Variants in MRE11 observed in about 807,000 individuals in gnomAD.
The protein encoded by MRE11 is MRE11 double strand break repair nuclease.
MRE11 carries 62 observed loss-of-function variants against 91.7 expected under a neutral mutation model. The ratio of observed to expected loss-of-function variants is 0.68; its 90% CI spans 0.55 to 0.84. The LOEUF is 0.84. MRE11 is among the 40% of genes least tolerant of loss of function. The probability of loss-of-function intolerance (pLI) is 0.00; values close to 1 mark genes in which losing one functional copy is unlikely to be tolerated. For missense variants in MRE11, 796 were observed against 852.9 expected (o/e 0.93, Z 0.83); for synonymous variants, 273 against 271.4 (o/e 1.01, Z -0.06).
intron 18 of MRE11, among the ~76,000 whole-genome samples, chr11:94,433,275 G>A (rs941048567): frequency 6.6e-6 from 1 of 152,164 alleles, no homozygotes; most frequent in Non-Finnish European, 1.5e-5. Flanking sequence ...CTTTGTAAAT[G>A]TAAATCACAA....
intron 3 of MRE11, among the ~76,000 whole-genome samples, chr11:94,487,109 C>T (rs1051404268): frequency 2.6e-5 from 4 of 152,186 alleles, no homozygotes; most frequent in Admixed American, 2.6e-4. Flanking sequence ...AAATGAAAAA[C>T]ATACTGGGGC....
Position 94,479,693 on chromosome 11 carries a change from T to C in MRE11, c.383A>G (p.Asn128Ser), listed in dbSNP as rs1591708537. Residue 128 changes from asparagine to serine, a missense_variant, in exon 5 of 20, where the codon AAT (asparagine) becomes AGT (serine). Physicochemically the swap from Asn to Ser is conservative, Grantham distance 46. Transcript: ENST00000323929. ...AATTACCCCTGTGGGATCGTCATGA[T>C]TGCCATGAATACTAAACACTGGAAT... ...ISIPVFSIHG[N>S]HDDPTGADAL... 1 of 1,612,972 alleles carries C rather than the reference T, an allele frequency of 6.2e-7. No individual in the cohort carries two copies. The highest frequency in any genetic ancestry group is 8.5e-7 in the Non-Finnish European group (1 of 1,179,534).
At position 94,467,010 on chromosome 11, in the gene MRE11, A is replaced by G. The variant is rs11020792; in HGVS notation, c.1098+803T>C. 6.4e-4 allele frequency among the ~76,000 whole-genome samples: 98 copies of G among 152,356 alleles called. 2 individuals carry two copies. The East Asian group carries it at 0.017, about 27-fold the overall frequency. ...ACAAATAACTCAGAGAATGCCCAAG[A>G]GTAATTCAGCAAGATGAGACACGAT... On this transcript the variant is annotated intron_variant, in intron 10 of 19. Transcript: ENST00000323929.
intron 10 of MRE11, among the ~76,000 whole-genome samples, chr11:94,465,865 T>C (rs548051965): frequency 1.3e-5 from 2 of 152,262 alleles, no homozygotes; most frequent in African/African-American, 4.8e-5. Context: ...GATACAACCA[T>C]AAATAAATAC....
intron 19 of MRE11, among the ~76,000 whole-genome samples, chr11:94,426,257 T>TA (rs923152629): frequency 8.6e-5 from 13 of 152,028 alleles, no homozygotes; most frequent in African/African-American, 2.9e-4. Flanking sequence ...AAGGCAGAAA[T>TA]AAAAAAATTC....
rs142867994 is a variant in MRE11 at position 94,432,996 on chromosome 11, C to T, written c.1994+2836G>A. On this transcript the variant is annotated intron_variant, in intron 18 of 19. Transcript: ENST00000323929. ...ACAACACATCTGTCCTTTCTTTTGTCCCCTTCTCAATATATGGCACAATGT... is the reference window on the plus strand; with the variant it reads ...ACAACACATCTGTCCTTTCTTTTGTTCCCTTCTCAATATATGGCACAATGT... Among the ~76,000 whole-genome samples the T allele has an allele frequency of 5.8e-4, 89 of 152,226 alleles. 1 individual carries two copies. The highest frequency in any genetic ancestry group is 2.1e-3 in the African/African-American group (87 of 41,524).
chr11:94,471,426 G>GA lies in MRE11; in HGVS notation c.845+147dup, dbSNP rs1367117429. On this transcript the variant is annotated intron_variant, in intron 8 of 19. Transcript: ENST00000323929. ...TCTGGAAAAACAATAAGACTACACA[G>GA]AATGATCAATTTTCAAAAATAAAGC... 3.2e-5 allele frequency: 24 copies of GA among 744,736 alleles called. No homozygotes were observed. The African/African-American group carries it at 4.1e-4, about 13-fold the overall frequency. The allele number at this position is 744,736 out of a possible 1,614,324, so 46.1% of individuals were successfully genotyped here. A position where few individuals can be genotyped will look rare whatever the true frequency, so the allele number is the denominator to read the frequency against.
At chr11:94,466,937 G>A (rs547522070) in intron 10 of MRE11, among the ~76,000 whole-genome samples, 1 of 152,190 alleles carries the variant, frequency 6.6e-6, no homozygotes. Context: ...GGTCATTAAA[G>A]CTGTATGCCT....
the MRE11 span, among the ~76,000 whole-genome samples, chr11:94,506,261 G>C: frequency 4.7e-5 from 7 of 150,272 alleles, no homozygotes; most frequent in Non-Finnish European, 8.9e-5. Context: ...AATTTGTACA[G>C]CAAACTCCTG....
At chr11:94,453,789 T>C (rs592068) in intron 14 of MRE11, among the ~76,000 whole-genome samples, 44,046 of 152,080 alleles carry the variant, frequency 0.29, 6,530 homozygotes, top group Middle Eastern at 0.36. Flanking sequence ...CTATTGATAG[T>C]GCCTGGTATT....
At chr11:94,451,387 G>A (rs11020786) in intron 14 of MRE11, among the ~76,000 whole-genome samples, 159 of 152,178 alleles carry the variant, frequency 1.0e-3, no homozygotes, top group African/African-American at 3.6e-3. Context: ...AGAAAGTTTC[G>A]TAGGTAAATT....
chr11:94,439,396 G>A (rs747179467), intron 16 of MRE11, among the ~76,000 whole-genome samples: 19 of 152,198 alleles, frequency 1.2e-4, no homozygotes, highest in Non-Finnish European at 1.6e-4. Flanking sequence ...TTAAGTTAGC[G>A]AAACCATTAT....
chr11:94,447,515 CAT>C, intron 14 of MRE11, 77 bp from the exon 15 acceptor site: 1 of 1,368,538 alleles, frequency 7.3e-7, no homozygotes, highest in Non-Finnish European at 1.0e-6. Flanking sequence ...TAGGCATTGA[CAT>C]GAACTAATCA....
chr11:94,432,573 C>T (rs919483749), intron 18 of MRE11, among the ~76,000 whole-genome samples: 6 of 152,162 alleles, frequency 3.9e-5, no homozygotes, highest in East Asian at 3.9e-4. Flanking sequence ...CTTGGGAGGC[C>T]GAGGCGGGCG....
intron 9 of MRE11, among the ~76,000 whole-genome samples, chr11:94,470,146 T>C (rs1946667680): frequency 6.6e-6 from 1 of 152,088 alleles, no homozygotes; most frequent in Non-Finnish European, 1.5e-5. Flanking sequence ...TCAAAGTTAC[T>C]GCCTGCTTTC....
rs560913783 is a variant in MRE11, at chr11:94,450,483, G to A, written c.1564-3045C>T. ...CAAGACCCCATGAAACTTTTTAGCT[G>A]ATACATAACAGGGTGCAAACAAAAA... On this transcript the variant is annotated intron_variant, in intron 14 of 19. Coordinates refer to ENST00000323929, the MANE Select transcript of MRE11 (RefSeq NM_005591.4). Among the ~76,000 whole-genome samples, 9 of 152,206 alleles carry A rather than the reference G, an allele frequency of 5.9e-5. No individual in the cohort carries two copies. In the East Asian group the frequency reaches 1.7e-3, roughly 29 times the overall value.
chr11:94,448,046 G>A (rs1342878417), intron 14 of MRE11, among the ~76,000 whole-genome samples: 7 of 152,012 alleles, frequency 4.6e-5, no homozygotes, highest in African/African-American at 1.7e-4. Context: ...CTAATTCAAT[G>A]CCACATTTGA....
the MRE11 span, among the ~76,000 whole-genome samples, chr11:94,510,704 A>G: frequency 1.3e-5 from 2 of 152,340 alleles, no homozygotes; most frequent in African/African-American, 4.8e-5. Flanking sequence ...GTGAGTTGCC[A>G]TAACTCACCC....
intron 11 of MRE11, among the ~76,000 whole-genome samples, chr11:94,462,390 G>C (rs920504563): frequency 1.3e-5 from 2 of 152,116 alleles, no homozygotes; most frequent in African/African-American, 4.8e-5. Flanking sequence ...TCCCCATCAA[G>C]CTACCAATGA....
Sources: gnomAD v4.1 joint callset for allele counts (sites outside exome capture counted in the v4.1 genomes callset) on GRCh38, gnomAD v4.1.1 for gene constraint, MANE v1.5 for transcripts, NCBI Gene and HGNC (gene_info 2026-07-23, HGNC 2026-07-21) for gene names.